CTNNA2: variants seen among roughly 807,000 people sequenced by gnomAD.
CTNNA2 encodes the protein catenin alpha 2, also known as catenin alpha-2.
CTNNA2 carries 42 observed loss-of-function variants against 101.0 expected under a neutral mutation model. The ratio of observed to expected loss-of-function variants is 0.42; its 90% CI spans 0.32 to 0.54. The LOEUF is 0.54. CTNNA2 is among the 20% of genes least tolerant of loss of function. The probability of loss-of-function intolerance (pLI) is 0.14; values close to 1 mark genes in which losing one functional copy is unlikely to be tolerated. For missense variants in CTNNA2, 871 were observed against 1,223.1 expected (o/e 0.71, Z 4.29); for synonymous variants, 450 against 456.4 (o/e 0.99, Z 0.18).
chr2:79,330,289 G>T (rs1676841257), intron 3 of CTNNA2, among the ~76,000 whole-genome samples: 1 of 152,166 alleles, frequency 6.6e-6, no homozygotes, highest in South Asian at 2.1e-4. Context: ...CAGAACTAGG[G>T]CTACAGAAAG....
At chr2:80,331,784 T>A (rs1671356650) in intron 7 of CTNNA2, among the ~76,000 whole-genome samples, 1 of 152,026 alleles carries the variant, frequency 6.6e-6, no homozygotes, top group Non-Finnish European at 1.5e-5. Context: ...TTCTTCCCAA[T>A]CCCCATTACA....
chr2:79,339,425 A>G (rs78377757), intron 3 of CTNNA2, among the ~76,000 whole-genome samples: 1,985 of 152,314 alleles, frequency 0.013, 25 homozygotes, highest in Non-Finnish European at 0.02. Context: ...TGATATACAT[A>G]TTAAGGGAAG....
At chr2:79,511,490 A>G (rs1368243804), upstream of CTNNA2, among the ~76,000 whole-genome samples, 1 of 152,190 alleles carries the variant, frequency 6.6e-6, no homozygotes, top group Non-Finnish European at 1.5e-5. Context: ...AGTCTAAGAA[A>G]AACGCTAGGT....
chr2:80,140,326 A>G (rs1156754806), intron 7 of CTNNA2, among the ~76,000 whole-genome samples: 1 of 152,142 alleles, frequency 6.6e-6, no homozygotes, highest in Admixed American at 6.6e-5. Flanking sequence ...CTGGCCACAT[A>G]CTATACACTT....
chr2:79,336,385 T>G, intron 3 of CTNNA2, among the ~76,000 whole-genome samples: 1 of 152,156 alleles, frequency 6.6e-6, no homozygotes. Flanking sequence ...CCACTGAGAA[T>G]GACTATATCT....
At position 80,216,239 on chromosome 2, in the gene CTNNA2, G is replaced by A. The variant is rs920316466; in HGVS notation, c.1057-176972G>A. Among the ~76,000 whole-genome samples, 4 of 152,084 alleles carry A rather than the reference G, an allele frequency of 2.6e-5. No individual in the cohort carries two copies. In the East Asian group the frequency reaches 7.7e-4, roughly 29 times the overall value. ...TGAGGTGATGCCCCGCCCTGCTTCGGCTCACACTGCGTGGGCTACACCCAC... is the reference window on the plus strand; with the variant it reads ...TGAGGTGATGCCCCGCCCTGCTTCGACTCACACTGCGTGGGCTACACCCAC... On this transcript the variant is annotated intron_variant, in intron 7 of 18. Coordinates refer to ENST00000402739, the MANE Select transcript of CTNNA2 (RefSeq NM_001282597.3).
At chr2:80,293,233 A>T (rs1476044743) in intron 7 of CTNNA2, among the ~76,000 whole-genome samples, 1 of 152,146 alleles carries the variant, frequency 6.6e-6, no homozygotes, top group Non-Finnish European at 1.5e-5. Flanking sequence ...AATTGTGTGT[A>T]ACTTGGCTTT....
intron 7 of CTNNA2, among the ~76,000 whole-genome samples, chr2:80,315,750 A>G (rs1678057754): frequency 6.6e-6 from 1 of 152,232 alleles, no homozygotes; most frequent in South Asian, 2.1e-4. Context: ...GGAAGAATTT[A>G]TAGTTGTTTT....
intron 2 of CTNNA2, among the ~76,000 whole-genome samples, chr2:79,735,616 C>T (rs1378480178): frequency 6.6e-6 from 1 of 152,152 alleles, no homozygotes; most frequent in Non-Finnish European, 1.5e-5. Flanking sequence ...CAAGGCTTGC[C>T]TCATGGCCTT....
intron 7 of CTNNA2, among the ~76,000 whole-genome samples, chr2:80,227,615 G>A (rs917364089): frequency 6.6e-6 from 1 of 152,154 alleles, no homozygotes; most frequent in African/African-American, 2.4e-5. Flanking sequence ...TGCCTGTGGC[G>A]TGATGACCCA....
At chr2:79,797,722 T>G (rs1675835134) in intron 3 of CTNNA2, among the ~76,000 whole-genome samples, 1 of 151,498 alleles carries the variant, frequency 6.6e-6, no homozygotes, top group African/African-American at 2.4e-5. Flanking sequence ...TGTTTGTACA[T>G]TTAGATGTTT....
intron 9 of CTNNA2, among the ~76,000 whole-genome samples, chr2:80,508,418 G>A (rs1270898074): frequency 6.6e-6 from 1 of 152,182 alleles, no homozygotes; most frequent in Non-Finnish European, 1.5e-5. Flanking sequence ...CCAGGAGGTA[G>A]AGGTTTCAGT....
At chr2:79,212,004 G>A (rs541183456) in intron 2 of CTNNA2, among the ~76,000 whole-genome samples, 1 of 152,280 alleles carries the variant, frequency 6.6e-6, no homozygotes, top group South Asian at 2.1e-4. Context: ...ATTGATGATG[G>A]CCTGGATATG....
At chr2:79,769,064 C>G (rs1380631950) in intron 3 of CTNNA2, among the ~76,000 whole-genome samples, 6 of 152,106 alleles carry the variant, frequency 3.9e-5, no homozygotes, top group Non-Finnish European at 8.8e-5. Flanking sequence ...ATCATGTTAG[C>G]CAGGATGGTC....
intron 9 of CTNNA2, among the ~76,000 whole-genome samples, chr2:80,457,453 A>G (rs899195550): frequency 6.6e-6 from 1 of 152,170 alleles, no homozygotes; most frequent in Non-Finnish European, 1.5e-5. Flanking sequence ...GTATCAGTAA[A>G]AAAAGAAAGA....
At chr2:80,230,522 A>C (rs1456072640) in intron 7 of CTNNA2, among the ~76,000 whole-genome samples, 1 of 152,094 alleles carries the variant, frequency 6.6e-6, no homozygotes, top group Non-Finnish European at 1.5e-5. Flanking sequence ...AGTTTGTGGC[A>C]TTTATCAGTT....
At chr2:79,475,134 T>G (rs1020378753) in intron 4 of CTNNA2, among the ~76,000 whole-genome samples, 1 of 152,192 alleles carries the variant, frequency 6.6e-6, no homozygotes, top group Non-Finnish European at 1.5e-5. Context: ...TTTTCTTTTT[T>G]TTGTCCCAGA....
At chr2:79,651,771 C>A in intron 2 of CTNNA2, 113 bp downstream of exon 2, 1 of 844,168 alleles carries the variant, frequency 1.2e-6, no homozygotes, top group South Asian at 1.6e-5. Flanking sequence ...GCCATGATTC[C>A]GATTACTGAA....
intron 1 of CTNNA2, among the ~76,000 whole-genome samples, chr2:79,525,089 A>G (rs1672330710): frequency 6.6e-6 from 1 of 151,850 alleles, no homozygotes; most frequent in Admixed American, 6.6e-5. Flanking sequence ...AATTTTTTAA[A>G]TATTTTGTCA....
Sources: allele counts gnomAD v4.1 joint callset (sites outside exome capture counted in the v4.1 genomes callset), GRCh38; gene constraint gnomAD v4.1.1; transcripts MANE v1.5; gene names NCBI Gene and HGNC (gene_info 2026-07-23, HGNC 2026-07-21).